Variants in DPY19L2 observed in about 807,000 individuals in gnomAD.
DPY19L2 encodes dpy-19 like 2.
In DPY19L2, 34 loss-of-function variants were observed where a neutral mutation model predicts 97.9. The observed-to-expected ratio is 0.35, with a 90% CI of 0.26 to 0.46. DPY19L2 has a LOEUF of 0.46. Among genes scored for constraint, DPY19L2 ranks in the 20% least tolerant of loss-of-function variants. The pLI, the probability that DPY19L2 is intolerant of heterozygous loss-of-function variation, is 1.00. For synonymous variants in DPY19L2, 230 were observed against 307.9 expected (o/e 0.75, Z 2.65); for missense variants, 623 against 911.4 (o/e 0.68, Z 4.07).
chr12:63,588,975 A>G (rs894451547), intron 16 of DPY19L2, among the ~76,000 whole-genome samples: 20 of 151,720 alleles, frequency 1.3e-4, no homozygotes, highest in African/African-American at 2.4e-4. Flanking sequence ...GGATGGCCTC[A>G]ATCTCCTGAC....
At chr12:63,661,180 A>G in intron 4 of DPY19L2, 164 bp downstream of exon 4, 2 of 628,226 alleles carry the variant, frequency 3.2e-6, no homozygotes, top group Non-Finnish European at 4.8e-6. Context: ...TGGGGTCTTT[A>G]AATTTTAAGA....
intron 6 of DPY19L2, among the ~76,000 whole-genome samples, chr12:63,640,159 C>G (rs1177109254): frequency 1.3e-5 from 2 of 152,180 alleles, no homozygotes; most frequent in East Asian, 3.9e-4. Flanking sequence ...AATGAGAACA[C>G]TTGGACGCAG....
intron 11 of DPY19L2, among the ~76,000 whole-genome samples, chr12:63,611,153 A>C (rs536017157): frequency 1.3e-5 from 2 of 152,092 alleles, no homozygotes; most frequent in Admixed American, 1.3e-4. Flanking sequence ...GGAATATAAA[A>C]TAGTGCAGCC....
chr12:63,635,692 G>T (rs1891545159), intron 6 of DPY19L2, among the ~76,000 whole-genome samples: 2 of 152,046 alleles, frequency 1.3e-5, no homozygotes, highest in Non-Finnish European at 2.9e-5. Context: ...TATCAGTGAT[G>T]GACGATCAAA....
chr12:63,661,584 A>G, intron 3 of DPY19L2, 103 bp from the exon 4 acceptor site: 1 of 888,766 alleles, frequency 1.1e-6, no homozygotes, highest in Non-Finnish European at 1.6e-6. Flanking sequence ...AAAAAAGGTT[A>G]ATAATAAGAC....
chr12:63,606,611 T>C (rs1886085916), intron 12 of DPY19L2, among the ~76,000 whole-genome samples: 1 of 152,188 alleles, frequency 6.6e-6, no homozygotes, highest in Non-Finnish European at 1.5e-5. Flanking sequence ...TTATCAGATA[T>C]ATGGCTGTTC....
At chr12:63,618,613 T>TA in intron 9 of DPY19L2, among the ~76,000 whole-genome samples, 1 of 152,064 alleles carries the variant, frequency 6.6e-6, no homozygotes, top group East Asian at 1.9e-4. Flanking sequence ...TTTCAGCAGA[T>TA]TCAGCAGAGT....
chr12:63,652,612 T>A (rs1894416104), intron 4 of DPY19L2, among the ~76,000 whole-genome samples: 1 of 152,158 alleles, frequency 6.6e-6, no homozygotes, highest in African/African-American at 2.4e-5. Flanking sequence ...AACAAGATAA[T>A]GTCCTTTGCA....
At chr12:63,639,225 A>G (rs1565821287) in intron 6 of DPY19L2, among the ~76,000 whole-genome samples, 2 of 152,200 alleles carry the variant, frequency 1.3e-5, no homozygotes, top group Non-Finnish European at 2.9e-5. Flanking sequence ...AAAAACTTAA[A>G]TGTTAGACCT....
intron 19 of DPY19L2, among the ~76,000 whole-genome samples, chr12:63,572,865 A>G (rs1879139062): frequency 6.6e-6 from 1 of 152,176 alleles, no homozygotes; most frequent in African/African-American, 2.4e-5. Flanking sequence ...CAATAGCTTC[A>G]GCATTACTGG....
rs780818533 is a variant in DPY19L2, at chr12:63,624,061, C to T, written c.932G>A (p.Cys311Tyr). 3.1e-6 allele frequency: 5 copies of T among 1,610,520 alleles called. No homozygotes were observed. The South Asian group carries it at 3.3e-5, about 11-fold the overall frequency. ...FSYPFLVLQMCILTLILRTSS... is the reference protein window; with the variant it reads ...FSYPFLVLQMYILTLILRTSS... ...TTACCTGAGAATCAAAGTTAAAATA[C>T]ACATCTGAAGTACAAGGAAAGGATA... The change falls in exon 8 of 22, where the codon TGT becomes TAT. Residue 311 changes from cysteine (C) to tyrosine (Y), a missense_variant. Around this residue, in one of 6 missense-constraint regions of DPY19L2, gnomAD observed 67 missense variants for 88.0 expected, o/e 0.76. Transcript: ENST00000324472.
At chr12:63,614,203 AAAAG>A (rs1291866454) in intron 11 of DPY19L2, among the ~76,000 whole-genome samples, 2 of 151,348 alleles carry the variant, frequency 1.3e-5, no homozygotes, top group African/African-American at 2.4e-5. Flanking sequence ...AAAAAAAAAA[AAAAG>A]AAGAAAAGAA....
chr12:63,608,845 T>C (rs1019251264), intron 11 of DPY19L2, among the ~76,000 whole-genome samples, 170 bp from the exon 12 acceptor site: 61 of 152,272 alleles, frequency 4.0e-4, no homozygotes, highest in African/African-American at 1.3e-3. Context: ...TTTTGGCAAA[T>C]TTCCTTGAGG....
Position 63,580,664 on chromosome 12 carries a change from G to A in DPY19L2, c.1898C>T (p.Ser633Leu). The change falls in exon 19 of 22, where the codon TCA (serine) becomes TTA (leucine). Residue 633 changes from serine to leucine, a missense_variant and splice_region_variant. This residue lies in a region of DPY19L2 where 294 missense variants were observed against 446.2 expected (regional missense o/e 0.66). Coordinates refer to ENST00000324472, the MANE Select transcript of DPY19L2 (RefSeq NM_173812.5). Reference protein sequence around the residue: ...LLQWIKYSTTSDAVFAGAMPT... With the variant: ...LLQWIKYSTTLDAVFAGAMPT... ...CATATAACCAAATACCTACACACCT[G>A]ATGTGGTACTGTATTTGATCCACTG... is the stretch of plus-strand genomic sequence containing the variant. 1.2e-6 allele frequency: 2 copies of A among 1,610,030 alleles called. No individual in the cohort carries two copies. Among genetic ancestry groups the A allele is most frequent in the South Asian group, 2.2e-5 (2 of 89,864 alleles).
intron 6 of DPY19L2, among the ~76,000 whole-genome samples, chr12:63,631,470 T>C (rs1316425032): frequency 2.6e-5 from 4 of 151,988 alleles, no homozygotes; most frequent in Non-Finnish European, 5.9e-5. Context: ...CTAGAAGAAA[T>C]GGATAAATTC....
intron 12 of DPY19L2, among the ~76,000 whole-genome samples, chr12:63,604,908 TCTA>T (rs1885783217): frequency 6.6e-6 from 1 of 152,194 alleles, no homozygotes; most frequent in Non-Finnish European, 1.5e-5. Context: ...GAGTGGTTTT[TCTA>T]CTGTGTCCAG....
intron 19 of DPY19L2, among the ~76,000 whole-genome samples, chr12:63,572,942 C>T (rs1361492972): frequency 3.9e-5 from 6 of 152,080 alleles, no homozygotes; most frequent in Non-Finnish European, 7.4e-5. Context: ...ACACCAAAGT[C>T]CCTTTGAATA....
chr12:63,576,140 T>G (rs994336181), intron 19 of DPY19L2, among the ~76,000 whole-genome samples: 2 of 151,908 alleles, frequency 1.3e-5, no homozygotes, highest in Admixed American at 1.3e-4. Context: ...TAGTTCAACG[T>G]AGCAAATCAA....
intron 18 of DPY19L2, among the ~76,000 whole-genome samples, chr12:63,581,563 G>A (rs77476248): frequency 4.6e-5 from 6 of 131,514 alleles, no homozygotes; most frequent in East Asian, 2.4e-4. Flanking sequence ...AGCTCACTTC[G>A]ACCTCCACTT....
Sources: gnomAD v4.1 joint callset for allele counts (sites outside exome capture counted in the v4.1 genomes callset) on GRCh38, gnomAD v4.1.1 for gene constraint, gnomAD v4.1.1 regional missense constraint, MANE v1.5 for transcripts, NCBI Gene and HGNC (gene_info 2026-07-23, HGNC 2026-07-21) for gene names.